The following NALF1 variants were observed in gnomAD, a reference collection of about 807,000 sequenced individuals.
NALF1 encodes the protein NALCN channel auxiliary factor 1.
A neutral mutation model predicts 48.4 loss-of-function variants in NALF1; 3 were observed. The ratio of observed to expected loss-of-function variants is 0.06; its 90% confidence interval spans 0.03 to 0.16. NALF1 has a LOEUF of 0.16. NALF1 is among the 10% of genes least tolerant of loss of function. The pLI is 1.00. For missense variants in NALF1, 526 were observed against 571.5 expected, an observed-to-expected ratio of 0.92 and a Z score of 0.81; for synonymous variants, 262 against 245.7, an observed-to-expected ratio of 1.07 and a Z score of -0.62.
In NALF1 at chr13:107,867,284, C is replaced by G. The variant is rs1358421087; in HGVS notation, c.-688G>C. ...CGGGGCGCTCCCTCCCCCCCACCCC[C>G]CACCCCGCGCTCTAAGTGCTGCCGC... On this transcript the variant is annotated 5_prime_UTR_variant, in exon 1 of 3. Transcript: ENST00000375915. The surrounding 1 kb of genome is among the most constrained non-coding windows in gnomAD (Gnocchi z 4.4). Among the ~76,000 whole-genome samples the G allele has an allele frequency of 7.0e-5, 7 of 99,640 alleles. No individual in the cohort carries two copies. The highest frequency in any genetic ancestry group is 1.3e-4 in the Non-Finnish European group (6 of 45,056). 65.4% of individuals were successfully genotyped at this position (99,640 alleles called of 152,430 possible). A position where few individuals can be genotyped will look rare whatever the true frequency, so the allele number is the denominator to read the frequency against.
intron 1 of NALF1, among the ~76,000 whole-genome samples, chr13:107,844,195 C>G (rs1880112593): frequency 6.6e-6 from 1 of 151,712 alleles, no homozygotes; most frequent in Admixed American, 6.6e-5. Context: ...GAAATAAAGA[C>G]AGTCTGTTGA....
chr13:107,383,781 C>A (rs1594147397), intron 1 of NALF1, among the ~76,000 whole-genome samples: 1 of 152,040 alleles, frequency 6.6e-6, no homozygotes, highest in Admixed American at 6.6e-5. Flanking sequence ...GTAATTATAG[C>A]CCAGTTTAAG....
At chr13:107,330,500 A>G (rs7324925) in intron 1 of NALF1, among the ~76,000 whole-genome samples, 54,773 of 152,114 alleles carry the variant, frequency 0.36, 10,043 homozygotes, top group Non-Finnish European at 0.4. Context: ...GTAGCTATTA[A>G]AGTAGTTTAT....
intron 1 of NALF1, among the ~76,000 whole-genome samples, chr13:107,376,319 C>T (rs1883337966): frequency 1.3e-5 from 2 of 152,058 alleles, no homozygotes; most frequent in Admixed American, 1.3e-4. Context: ...TGTTGTGAAG[C>T]GATAGATAGG....
At chr13:107,364,025 A>G (rs924897022) in intron 1 of NALF1, among the ~76,000 whole-genome samples, 9 of 152,202 alleles carry the variant, frequency 5.9e-5, no homozygotes, top group African/African-American at 1.2e-4. Flanking sequence ...ATCAGTCTAT[A>G]CGTAATAAGA....
intron 1 of NALF1, among the ~76,000 whole-genome samples, chr13:107,577,795 G>T (rs1243244067): frequency 1.3e-5 from 2 of 152,026 alleles, no homozygotes; most frequent in Admixed American, 1.3e-4. Context: ...CTTCATCCCG[G>T]ATCTCTTCAA....
At chr13:107,616,323 C>A (rs549771794) in intron 1 of NALF1, among the ~76,000 whole-genome samples, 16 of 152,308 alleles carry the variant, frequency 1.1e-4, no homozygotes, top group Admixed American at 2.6e-4. Context: ...TTAGCCTATT[C>A]TTTGTGAGAA....
rs1003552994 is a variant in NALF1, at chr13:107,311,250, C to T, written c.916-100495G>A. On this transcript the variant is annotated intron_variant, in intron 1 of 2. Coordinates refer to ENST00000375915, the MANE Select transcript of NALF1 (RefSeq NM_001080396.3). ...GGATGTCTTGTACAGAAAGATAATT[C>T]CTGTTCCATCCCAGTATGCTTCTTT... Among the ~76,000 whole-genome samples, 5 of 152,062 alleles carry T rather than the reference C, an allele frequency of 3.3e-5. No homozygotes were observed. The South Asian group carries it at 1.0e-3, about 31-fold the overall frequency.
At chr13:107,734,889 C>T (rs1876422196) in intron 1 of NALF1, among the ~76,000 whole-genome samples, 1 of 152,132 alleles carries the variant, frequency 6.6e-6, no homozygotes, top group Non-Finnish European at 1.5e-5. Flanking sequence ...CCTTTCTCCA[C>T]TGTACTCCAG....
At chr13:107,803,333 A>G (rs1021159745) in intron 1 of NALF1, among the ~76,000 whole-genome samples, 2 of 152,132 alleles carry the variant, frequency 1.3e-5, no homozygotes, top group African/African-American at 4.8e-5. Flanking sequence ...AACGTGGTCA[A>G]TTTTTCTCTT....
chr13:107,691,235 G>T (rs561466296), intron 1 of NALF1, among the ~76,000 whole-genome samples: 2 of 152,132 alleles, frequency 1.3e-5, no homozygotes, highest in African/African-American at 2.4e-5. Flanking sequence ...GCCTGGAGAG[G>T]AGAGCAGCAC....
intron 1 of NALF1, among the ~76,000 whole-genome samples, chr13:107,230,877 T>C (rs949473537): frequency 4.0e-5 from 6 of 151,682 alleles, no homozygotes; most frequent in African/African-American, 4.8e-5. Context: ...TTGGGGAACA[T>C]AGTGAGACCC....
intron 1 of NALF1, among the ~76,000 whole-genome samples, chr13:107,568,680 G>C (rs568089005): frequency 6.6e-6 from 1 of 152,160 alleles, no homozygotes; most frequent in Non-Finnish European, 1.5e-5. Context: ...AGTTCTAATA[G>C]CCATTTCTCT....
At chr13:107,246,785 T>C (rs4771565) in intron 1 of NALF1, among the ~76,000 whole-genome samples, 29,699 of 152,096 alleles carry the variant, frequency 0.2, 3,567 homozygotes, top group South Asian at 0.42. Context: ...TTATGATAAA[T>C]TGCCAAACAT....
At chr13:107,645,532 C>T (rs949091121) in intron 1 of NALF1, among the ~76,000 whole-genome samples, 6 of 152,036 alleles carry the variant, frequency 3.9e-5, no homozygotes, top group Non-Finnish European at 8.8e-5. Flanking sequence ...TATTTACAAC[C>T]TGTTTATCCT....
At chr13:107,636,099 T>A (rs1484207718) in intron 1 of NALF1, among the ~76,000 whole-genome samples, 3 of 151,996 alleles carry the variant, frequency 2.0e-5, no homozygotes, top group African/African-American at 4.8e-5. Flanking sequence ...AAAACCATGA[T>A]TACTTTTGCA....
intron 1 of NALF1, among the ~76,000 whole-genome samples, chr13:107,283,853 G>T (rs915557395): frequency 6.6e-6 from 1 of 151,740 alleles, no homozygotes; most frequent in African/African-American, 2.4e-5. Flanking sequence ...AGAGACGGGG[G>T]TTTCACCGTG....
Position 107,368,320 on chromosome 13 carries a change from C to CTTT in NALF1, c.916-157568_916-157566dup, listed in dbSNP as rs35618769. ...CTTGCAAAGATAAATCACATAAATA[C>CTTT]TTTTTTTTTTTTTTGAGATGGAGTC... On this transcript the variant is annotated intron_variant, in intron 1 of 2. Coordinates refer to ENST00000375915, the MANE Select transcript of NALF1 (RefSeq NM_001080396.3). Among the ~76,000 whole-genome samples the CTTT allele has an allele frequency of 5.5e-3, 802 of 145,948 alleles. 13 individuals are homozygous for CTTT. The highest frequency in any genetic ancestry group is 0.037 in the Middle Eastern group (10 of 270).
chr13:107,634,957 TACAC>T (rs1284164857), intron 1 of NALF1, among the ~76,000 whole-genome samples: 1 of 152,152 alleles, frequency 6.6e-6, no homozygotes, highest in Non-Finnish European at 1.5e-5. Flanking sequence ...AGATTATAGT[TACAC>T]AAACAAGCTG....
Sources: gnomAD v4.1 joint callset for allele counts (sites outside exome capture counted in the v4.1 genomes callset) on GRCh38, gnomAD v4.1.1 for gene constraint, Gnocchi (gnomAD v3.1) non-coding constraint, MANE v1.5 for transcripts, NCBI Gene and HGNC (gene_info 2026-07-23, HGNC 2026-07-21) for gene names.